CLRN3: variants seen among roughly 807,000 people sequenced by gnomAD.
CLRN3 encodes clarin 3.
CLRN3 carries 12 observed loss-of-function variants against 16.7 expected under a neutral mutation model. The ratio of observed to expected loss-of-function variants is 0.72; its 90% CI spans 0.46 to 1.16. The LOEUF is 1.16. Ranked by LOEUF, CLRN3 falls within the 50% of genes most tolerant of loss-of-function variation. The pLI, the probability that CLRN3 is intolerant of heterozygous loss-of-function variation, is 0.00. For missense variants in CLRN3, 296 were observed against 274.2 expected, an observed-to-expected ratio of 1.08 and a Z score of -0.56; for synonymous variants, 118 against 113.0, an observed-to-expected ratio of 1.04 and a Z score of -0.28.
intron 1 of CLRN3, 121 bp downstream of exon 1, chr10:127,892,435 C>T (rs1040800304): frequency 2.3e-5 from 15 of 661,442 alleles, no homozygotes; most frequent in East Asian, 8.1e-5. Context: ...AAGCTTGTAC[C>T]TTCAGCCTAA....
intron 2 of CLRN3, among the ~76,000 whole-genome samples, chr10:127,883,220 C>T (rs10765176): frequency 6.6e-6 from 1 of 152,118 alleles, no homozygotes; most frequent in African/African-American, 2.4e-5. Flanking sequence ...ACCAAGTGGA[C>T]TCTTGTCATG....
chr10:127,891,455 G>T (rs1845256935), intron 1 of CLRN3, among the ~76,000 whole-genome samples: 1 of 152,246 alleles, frequency 6.6e-6, no homozygotes, highest in Admixed American at 6.5e-5. Flanking sequence ...GTCTCTGAAA[G>T]TTGCTGTAAA....
intron 2 of CLRN3, among the ~76,000 whole-genome samples, chr10:127,883,051 G>C (rs769576049): frequency 1.3e-5 from 2 of 152,184 alleles, no homozygotes; most frequent in Non-Finnish European, 2.9e-5. Flanking sequence ...CATCCTCCCA[G>C]CACCACACCC....
intron 1 of CLRN3, among the ~76,000 whole-genome samples, chr10:127,888,455 A>G (rs574422054): frequency 6.6e-6 from 1 of 152,324 alleles, no homozygotes; most frequent in East Asian, 1.9e-4. Flanking sequence ...TAGGAGTAGT[A>G]AGGTGGGGGC....
intron 1 of CLRN3, among the ~76,000 whole-genome samples, chr10:127,885,359 C>CT (rs1845181495): frequency 6.6e-6 from 1 of 152,174 alleles, no homozygotes; most frequent in African/African-American, 2.4e-5. Flanking sequence ...ATCTCCACGA[C>CT]TTAAACCCAG....
intron 1 of CLRN3, among the ~76,000 whole-genome samples, chr10:127,885,950 T>C (rs530241776): frequency 1.3e-5 from 2 of 152,302 alleles, no homozygotes; most frequent in African/African-American, 4.8e-5. Flanking sequence ...AGATGGGGTT[T>C]GTCCATGTTG....
At chr10:127,881,545 C>T (rs976798812) in intron 2 of CLRN3, among the ~76,000 whole-genome samples, 3 of 152,192 alleles carry the variant, frequency 2.0e-5, no homozygotes, top group South Asian at 2.1e-4. Flanking sequence ...GGAATGCAGG[C>T]TTCCTTCCCC....
In CLRN3 at chr10:127,892,909, T is replaced by A. The variant is rs1442636471; in HGVS notation, c.-125A>T. On this transcript the variant is annotated 5_prime_UTR_variant, in exon 1 of 3. Transcript: ENST00000368671. ...TAACACTTTATTGTCAAATATAAAATCTCACTCTTCCTGAGGAAGGGTTAT... is the reference window on the plus strand; with the variant it reads ...TAACACTTTATTGTCAAATATAAAAACTCACTCTTCCTGAGGAAGGGTTAT... 3 of 634,264 alleles carry A rather than the reference T, an allele frequency of 4.7e-6. No individual in the cohort carries two copies. In the East Asian group the frequency reaches 8.1e-5, roughly 17 times the overall value. 39.3% of individuals were successfully genotyped at this position (634,264 alleles called of 1,614,324 possible).
intron 1 of CLRN3, among the ~76,000 whole-genome samples, chr10:127,889,205 C>T (rs1407083192): frequency 6.6e-6 from 1 of 152,086 alleles, no homozygotes; most frequent in East Asian, 1.9e-4. Flanking sequence ...GCTGGTGATC[C>T]CAGCTACACC....
In CLRN3 at chr10:127,878,111, T is replaced by A. The variant is rs748056143; in HGVS notation, c.*38A>T. The A allele has an allele frequency of 6.2e-7, 1 of 1,602,784 alleles. No individual in the cohort carries two copies. On this transcript the variant is annotated 3_prime_UTR_variant, in exon 3 of 3. Coordinates refer to ENST00000368671, the MANE Select transcript of CLRN3 (RefSeq NM_152311.5). ...AACCAGTTACTACTCAGGGCTGATG[T>A]ACAATAGATGCAACGCCAAAATGAG...
intron 2 of CLRN3, among the ~76,000 whole-genome samples, chr10:127,881,502 T>C (rs1845127807): frequency 6.6e-6 from 1 of 152,196 alleles, no homozygotes; most frequent in Non-Finnish European, 1.5e-5. Context: ...CACCTGGCCC[T>C]CTACTCTGGT....
At chr10:127,886,244 C>G (rs908827377) in intron 1 of CLRN3, among the ~76,000 whole-genome samples, 8 of 152,248 alleles carry the variant, frequency 5.3e-5, no homozygotes, top group African/African-American at 1.9e-4. Flanking sequence ...GACGTCATCA[C>G]TCCATTTTTG....
intron 2 of CLRN3, among the ~76,000 whole-genome samples, 154 bp downstream of exon 2, chr10:127,883,542 A>C (rs1465635993): frequency 1.3e-5 from 2 of 152,212 alleles, no homozygotes; most frequent in Non-Finnish European, 2.9e-5. Flanking sequence ...TTGGATTGAC[A>C]AAATAAACCC....
chr10:127,892,014 A>G (rs1845262914), intron 1 of CLRN3, among the ~76,000 whole-genome samples: 1 of 152,186 alleles, frequency 6.6e-6, no homozygotes, highest in Non-Finnish European at 1.5e-5. Context: ...AAAAATGTTT[A>G]GGAATTCCTA....
At position 127,883,736 on chromosome 10, in the gene CLRN3, G is replaced by A. The variant is rs145523376; in HGVS notation, c.369C>T (p.Phe123=). 3 of 1,613,774 alleles carry A rather than the reference G, an allele frequency of 1.9e-6. No individual in the cohort carries two copies. Among genetic ancestry groups the A allele is most frequent in the Non-Finnish European group, 2.5e-6 (3 of 1,179,836 alleles). Residue 123 remains phenylalanine (F), a synonymous_variant, in exon 2 of 3, where the codon TTC becomes TTT. Coordinates refer to ENST00000368671, the MANE Select transcript of CLRN3 (RefSeq NM_152311.5). ...YNSISNPYQT[F]LGPTGVYTWN... is the part of the protein sequence containing the mutation. ...AGGTGTACACCCCCGTCGGCCCCAGGAATGTCTGGTAAGGGTTGCTGATGC... is the reference window on the plus strand; with the variant it reads ...AGGTGTACACCCCCGTCGGCCCCAGAAATGTCTGGTAAGGGTTGCTGATGC...
chr10:127,884,150 T>C (rs1845164808), intron 1 of CLRN3, among the ~76,000 whole-genome samples: 1 of 152,252 alleles, frequency 6.6e-6, no homozygotes, highest in Non-Finnish European at 1.5e-5. Context: ...TTTACCTTCC[T>C]GGATACCGGC....
intron 1 of CLRN3, among the ~76,000 whole-genome samples, chr10:127,888,378 T>A (rs2135084958): frequency 6.6e-6 from 1 of 152,280 alleles, no homozygotes; most frequent in East Asian, 1.9e-4. Flanking sequence ...CCCATCACAG[T>A]GTGGTTATAT....
intron 1 of CLRN3, among the ~76,000 whole-genome samples, chr10:127,891,966 A>G (rs532547100): frequency 2.1e-4 from 32 of 151,686 alleles, no homozygotes; most frequent in South Asian, 8.3e-4. Flanking sequence ...TTTTACTTCC[A>G]TGGAGAGGAG....
At chr10:127,879,347 T>A (rs529967609) in intron 2 of CLRN3, among the ~76,000 whole-genome samples, 1 of 152,264 alleles carries the variant, frequency 6.6e-6, no homozygotes, top group East Asian at 1.9e-4. Flanking sequence ...GTGATCCACC[T>A]GCCTCGGCCT....
Sources: allele counts gnomAD v4.1 joint callset (sites outside exome capture counted in the v4.1 genomes callset), GRCh38; gene constraint gnomAD v4.1.1; transcripts MANE v1.5; gene names NCBI Gene and HGNC (gene_info 2026-07-23, HGNC 2026-07-21).